Variants in PLD5 observed in about 807,000 individuals in gnomAD.
PLD5 encodes phospholipase D family member 5, also known as inactive phospholipase D5.
A neutral mutation model predicts 61.1 loss-of-function variants in PLD5; 36 were observed. The ratio of observed to expected loss-of-function variants is 0.59; its 90% CI spans 0.45 to 0.78. PLD5 has a LOEUF of 0.78. PLD5 is among the 30% of genes least tolerant of loss of function. The probability of loss-of-function intolerance (pLI) is 0.00; values close to 1 mark genes in which losing one functional copy is unlikely to be tolerated. For missense variants in PLD5, 515 were observed against 644.4 expected (o/e 0.80, Z 2.17); for synonymous variants, 243 against 242.8 (o/e 1.00, Z -0.01).
intron 5 of PLD5, among the ~76,000 whole-genome samples, chr1:242,152,425 A>G (rs1037637800): frequency 6.6e-6 from 1 of 152,134 alleles, no homozygotes; most frequent in Non-Finnish European, 1.5e-5. Context: ...TTACATAGGT[A>G]TACATGTGCC....
Position 242,087,866 on chromosome 1 carries a change from G to A in PLD5, c.*1988C>T, listed in dbSNP as rs910967107. The A allele has an allele frequency of 1.3e-5, 2 of 152,202 alleles. No homozygotes were observed. The highest frequency in any genetic ancestry group is 4.8e-5 in the African/African-American group (2 of 41,454). 9.4% of individuals were successfully genotyped at this position (152,202 alleles called of 1,614,324 possible). On this transcript the variant is annotated 3_prime_UTR_variant, in exon 10 of 10. Transcript: ENST00000536534. ...GTAAATATTTAGAGTCTTAGGGACT[G>A]GCTATTATTGATGAAGAATTTCAGT...
chr1:242,257,038 T>TTCTATCTATCTATCTATCTA (rs35243238), intron 4 of PLD5, among the ~76,000 whole-genome samples: 40 of 142,388 alleles, frequency 2.8e-4, no homozygotes, highest in South Asian at 9.6e-4. Flanking sequence ...CCTACCTACC[T>TTCTATCTATCTATCTATCTA]TCTATCTATC....
intron 6 of PLD5, among the ~76,000 whole-genome samples, chr1:242,121,565 A>G (rs1444526473): frequency 6.6e-6 from 1 of 152,144 alleles, no homozygotes. Flanking sequence ...TAGAAATATC[A>G]TTTGACCCAG....
chr1:242,105,761 A>G (rs966812097), intron 8 of PLD5, among the ~76,000 whole-genome samples: 2 of 152,208 alleles, frequency 1.3e-5, no homozygotes, highest in African/African-American at 4.8e-5. Context: ...TTGGTGTAAT[A>G]ATAATAGGTG....
At position 242,089,163 on chromosome 1, in the gene PLD5, A is replaced by G; in HGVS notation, c.*691T>C. 2.5e-6 allele frequency: 1 copy of G among 394,850 alleles called. No individual in the cohort carries two copies. The highest frequency in any genetic ancestry group is 3.6e-5 in the East Asian group (1 of 27,820). The allele number at this position is 394,850 out of a possible 1,614,324, so 24.5% of individuals were successfully genotyped here. A position where few individuals can be genotyped will look rare whatever the true frequency, so the allele number is the denominator to read the frequency against. On this transcript the variant is annotated 3_prime_UTR_variant, in exon 10 of 10. Transcript: ENST00000536534. The stretch of plus-strand genomic sequence containing the variant: ...TGAAAGACTGCTATTTCCACTTAGT[A>G]TCCATTCTGAAAAATTTGTATGTTT...
intron 2 of PLD5, among the ~76,000 whole-genome samples, chr1:242,319,844 C>T (rs1178959344): frequency 6.6e-6 from 1 of 152,214 alleles, no homozygotes; most frequent in Non-Finnish European, 1.5e-5. Context: ...TCCTCTACCC[C>T]CTCTCACATG....
At position 242,226,791 on chromosome 1, in the gene PLD5, T is replaced by C. The variant is rs975461922; in HGVS notation, c.608-6676A>G. ...ATTGAAATTTAATAGAGAATGTCCC[T>C]GGTTTTGGAGGGGTTCTGTTTCTTT... On this transcript the variant is annotated intron_variant, in intron 4 of 9. Coordinates refer to ENST00000536534, the MANE Select transcript of PLD5 (RefSeq NM_001372062.1). 3.3e-5 allele frequency among the ~76,000 whole-genome samples: 5 copies of C among 152,356 alleles called. No homozygotes were observed. The South Asian group carries it at 8.3e-4, about 25-fold the overall frequency.
intron 2 of PLD5, among the ~76,000 whole-genome samples, chr1:242,323,085 T>C (rs1405728586): frequency 6.6e-6 from 1 of 152,168 alleles, no homozygotes; most frequent in Non-Finnish European, 1.5e-5. Flanking sequence ...AAGACTACAA[T>C]AAATTATTAT....
chr1:242,264,017 A>G (rs1673515716), intron 4 of PLD5, among the ~76,000 whole-genome samples: 1 of 152,198 alleles, frequency 6.6e-6, no homozygotes, highest in Admixed American at 6.5e-5. Flanking sequence ...TTATCCTGCC[A>G]GGATAATCAA....
At chr1:242,142,736 C>T (rs1164678710) in intron 5 of PLD5, among the ~76,000 whole-genome samples, 3 of 151,928 alleles carry the variant, frequency 2.0e-5, no homozygotes, top group Non-Finnish European at 2.9e-5. Flanking sequence ...CTCTCTCTCT[C>T]TCTCTCTCTG....
intron 8 of PLD5, among the ~76,000 whole-genome samples, chr1:242,106,802 A>AT (rs1210803017): frequency 6.6e-6 from 1 of 152,144 alleles, no homozygotes; most frequent in Non-Finnish European, 1.5e-5. Context: ...ATTCTGTTGA[A>AT]TGGCTGCATG....
In PLD5 at chr1:242,365,979, A is replaced by T. The variant is rs1026281297; in HGVS notation, c.190-17737T>A. On this transcript the variant is annotated intron_variant, in intron 1 of 9. Coordinates refer to ENST00000536534, the MANE Select transcript of PLD5 (RefSeq NM_001372062.1). The stretch of plus-strand genomic sequence containing the variant: ...TTCCCACAGTAAAAACTCCAGGTTT[A>T]GGTGGCATCATTAGTGAGTTCTGTC... Among the ~76,000 whole-genome samples the T allele has an allele frequency of 2.6e-5, 4 of 152,232 alleles. No homozygotes were observed. The East Asian group carries it at 7.7e-4, about 29-fold the overall frequency.
chr1:242,206,656 C>T (rs993098815), intron 5 of PLD5, among the ~76,000 whole-genome samples: 1 of 152,062 alleles, frequency 6.6e-6, no homozygotes, highest in Admixed American at 6.6e-5. Flanking sequence ...TTAAGAAAAT[C>T]ATAAGGGAAA....
chr1:242,246,618 T>A (rs547621655), intron 4 of PLD5, among the ~76,000 whole-genome samples: 1 of 152,088 alleles, frequency 6.6e-6, no homozygotes, highest in South Asian at 2.1e-4. Context: ...TGAATAAAAA[T>A]GAAATAACAC....
At chr1:242,452,817 C>A (rs559079204) in intron 1 of PLD5, among the ~76,000 whole-genome samples, 5 of 152,024 alleles carry the variant, frequency 3.3e-5, no homozygotes, top group Non-Finnish European at 7.4e-5. Flanking sequence ...CCCTGCCCCC[C>A]ACCCCTGATG....
intron 1 of PLD5, among the ~76,000 whole-genome samples, chr1:242,358,225 C>T (rs1660866513): frequency 6.6e-6 from 1 of 151,968 alleles, no homozygotes; most frequent in African/African-American, 2.4e-5. Flanking sequence ...ATTTTTTTGT[C>T]ATTTCATAAA....
intron 1 of PLD5, among the ~76,000 whole-genome samples, chr1:242,506,963 A>G (rs1668743887): frequency 6.6e-6 from 1 of 152,160 alleles, no homozygotes; most frequent in Admixed American, 6.5e-5. Flanking sequence ...GGGAGCCACC[A>G]CCACCGTCCT....
At chr1:242,090,245 G>C (rs1659714784) in intron 9 of PLD5, 135 bp from the exon 10 acceptor site, 1 of 1,151,446 alleles carries the variant, frequency 8.7e-7, no homozygotes, top group Non-Finnish European at 1.2e-6. Context: ...GAATTGTGTT[G>C]ACAGCTCCGA....
intron 1 of PLD5, among the ~76,000 whole-genome samples, chr1:242,396,316 T>C (rs1007936702): frequency 3.9e-5 from 6 of 152,176 alleles, no homozygotes; most frequent in Admixed American, 1.3e-4. Flanking sequence ...CTATTTTTAA[T>C]GGGTGAGAAA....
Sources: gnomAD v4.1 joint callset for allele counts (sites outside exome capture counted in the v4.1 genomes callset) on GRCh38, gnomAD v4.1.1 for gene constraint, MANE v1.5 for transcripts, NCBI Gene and HGNC (gene_info 2026-07-23, HGNC 2026-07-21) for gene names.